The following OCA2 variants were observed in gnomAD, a reference collection of about 807,000 sequenced individuals.
OCA2 encodes OCA2 melanosomal transmembrane protein.
In OCA2, 77 loss-of-function variants were observed where a neutral mutation model predicts 100.2. The observed-to-expected ratio is 0.77, with a 90% confidence interval of 0.64 to 0.93. OCA2 has a LOEUF of 0.93. Ranked by LOEUF, OCA2 falls within the 40% of genes least tolerant of loss-of-function variation. OCA2 has a pLI of 0.00. For synonymous variants in OCA2, 432 were observed against 439.2 expected (o/e 0.98, Z 0.21); for missense variants, 1,062 against 1,089.1 (o/e 0.98, Z 0.35).
At chr15:27,777,075 C>G (rs1008326689) in intron 23 of OCA2, among the ~76,000 whole-genome samples, 7 of 152,184 alleles carry the variant, frequency 4.6e-5, no homozygotes, top group Admixed American at 6.5e-5. Context: ...CGGCGCCCAG[C>G]CTTTCTGCTC....
chr15:27,871,761 T>A, intron 20 of OCA2, 102 bp downstream of exon 20: 1 of 856,388 alleles, frequency 1.2e-6, no homozygotes, highest in Non-Finnish European at 1.9e-6. Context: ...TTTTACATAA[T>A]TAATGGGACC....
rs201569748 is a variant in OCA2 at position 27,755,403 on chromosome 15, C to A, written c.2502G>T (p.Val834=). Residue 834 remains valine (V), a synonymous_variant, in exon 24 of 24, where the codon GTG becomes GTT. Coordinates refer to ENST00000354638, the MANE Select transcript of OCA2 (RefSeq NM_000275.3). ...GMCYLLVAHV[V]VGWN ...TGGATGTCTATTAATTCCATCCCAC[C>A]ACCACATGAGCCACAAGGAGATAAC... The A allele has an allele frequency of 2.4e-5, 38 of 1,613,014 alleles. No individual in the cohort carries two copies. In the African/African-American group the frequency reaches 4.0e-4, roughly 17 times the overall value.
At chr15:28,069,425 TCC>T (rs1204108256) in intron 2 of OCA2, among the ~76,000 whole-genome samples, 3 of 17,176 alleles carry the variant, frequency 1.7e-4, no homozygotes, top group Non-Finnish European at 1.7e-4. Flanking sequence ...CCCCTCCCCC[TCC>T]CCCTCCCCCT....
At chr15:27,987,449 G>A (rs1247020942) in intron 11 of OCA2, among the ~76,000 whole-genome samples, 4 of 152,128 alleles carry the variant, frequency 2.6e-5, no homozygotes, top group African/African-American at 7.2e-5. Flanking sequence ...GCTGGGTGTG[G>A]TGGCTCACGC....
intron 21 of OCA2, among the ~76,000 whole-genome samples, chr15:27,863,867 G>A (rs2036224035): frequency 6.6e-6 from 1 of 152,012 alleles, no homozygotes; most frequent in East Asian, 1.9e-4. Flanking sequence ...TTTGTGCTGT[G>A]CTTAAATCTC....
rs535766179 is a variant in OCA2 at position 27,831,527 on chromosome 15, C to A, written c.2432+13432G>T. Among the ~76,000 whole-genome samples, 5 of 152,278 alleles carry A rather than the reference C, an allele frequency of 3.3e-5. No homozygotes were observed. The South Asian group carries it at 1.0e-3, about 32-fold the overall frequency. ...TGGGAGGCATTCCTGTGCCACACACCGGACGTGGTGCCATGGTGACTGGCC... is the reference window on the plus strand; with the variant it reads ...TGGGAGGCATTCCTGTGCCACACACAGGACGTGGTGCCATGGTGACTGGCC... On this transcript the variant is annotated intron_variant, in intron 23 of 23. Coordinates refer to ENST00000354638, the MANE Select transcript of OCA2 (RefSeq NM_000275.3).
chr15:27,891,253 G>T (rs1342303327), intron 19 of OCA2, among the ~76,000 whole-genome samples: 1 of 152,156 alleles, frequency 6.6e-6, no homozygotes, highest in African/African-American at 2.4e-5. Context: ...AGTCATGTAT[G>T]TATACTGTAG....
the OCA2 span, among the ~76,000 whole-genome samples, chr15:27,745,662 TC>T: frequency 6.6e-6 from 1 of 152,142 alleles, no homozygotes; most frequent in East Asian, 1.9e-4. Flanking sequence ...GTGTAGAGAA[TC>T]CCCCTTCCCT....
At chr15:27,932,268 C>T (rs1329334191) in intron 18 of OCA2, among the ~76,000 whole-genome samples, 1 of 152,146 alleles carries the variant, frequency 6.6e-6, no homozygotes, top group African/African-American at 2.4e-5. Flanking sequence ...GTAGCTGAGG[C>T]ACTGAAGCAA....
intron 23 of OCA2, among the ~76,000 whole-genome samples, chr15:27,837,520 C>T (rs993856429): frequency 6.6e-6 from 1 of 152,090 alleles, no homozygotes; most frequent in African/African-American, 2.4e-5. Flanking sequence ...GGCCCCTGCC[C>T]CACACCCTTG....
chr15:28,075,727 C>T lies in OCA2; in HGVS notation c.227+5921G>A, dbSNP rs2141840976. ...AAAGTGTGATATGTCCACACAACTCCACTCAGCAATAAAAAGAAACACAAC... is the reference window on the plus strand; with the variant it reads ...AAAGTGTGATATGTCCACACAACTCTACTCAGCAATAAAAAGAAACACAAC... On this transcript the variant is annotated intron_variant, in intron 2 of 23. Transcript: ENST00000354638. Among the ~76,000 whole-genome samples the T allele has an allele frequency of 1.3e-5, 2 of 152,310 alleles. 1 individual carries two copies. Among genetic ancestry groups the T allele is most frequent in the African/African-American group, 4.8e-5 (2 of 41,564 alleles).
chr15:28,086,424 G>A (rs1239159769), intron 1 of OCA2, among the ~76,000 whole-genome samples: 1 of 152,212 alleles, frequency 6.6e-6, no homozygotes, highest in East Asian at 1.9e-4. Context: ...CCATCTTGGG[G>A]AACCTGAACT....
intron 23 of OCA2, among the ~76,000 whole-genome samples, chr15:27,806,220 AAGT>A (rs1291876526): frequency 3.9e-5 from 6 of 152,214 alleles, no homozygotes; most frequent in African/African-American, 1.4e-4. Context: ...TTTCCAAAGT[AAGT>A]TGTGTACAAT....
chr15:28,028,216 G>A (rs1324874925), intron 3 of OCA2, among the ~76,000 whole-genome samples, 157 bp from the exon 4 acceptor site: 2 of 152,186 alleles, frequency 1.3e-5, no homozygotes, highest in African/African-American at 2.4e-5. Context: ...GTGGGAATGG[G>A]TTTTTTTGTG....
chr15:28,024,941 C>A, intron 4 of OCA2, 39 bp from the exon 5 acceptor site: 2 of 1,603,294 alleles, frequency 1.2e-6, no homozygotes, highest in Non-Finnish European at 1.7e-6. Context: ...GCAAGGGCAG[C>A]AGTCCTGTTG....
At chr15:27,740,156 T>C in the OCA2 span, among the ~76,000 whole-genome samples, 1 of 152,200 alleles carries the variant, frequency 6.6e-6, no homozygotes, top group Non-Finnish European at 1.5e-5. Context: ...CAGCACAGTG[T>C]GCTGTGCCCA....
At chr15:28,081,956 C>T in intron 1 of OCA2, 61 bp from the exon 2 acceptor site, 2 of 1,349,046 alleles carry the variant, frequency 1.5e-6, no homozygotes, top group Non-Finnish European at 2.1e-6. Context: ...ACGTTTGCAC[C>T]TTGGGAGTCC....
At chr15:27,966,542 G>A in intron 15 of OCA2, 148 bp downstream of exon 15, 1 of 816,838 alleles carries the variant, frequency 1.2e-6, no homozygotes. Flanking sequence ...TGAAAACAGT[G>A]TATACTAGAA....
At chr15:27,853,774 C>A (rs559422521) in intron 21 of OCA2, among the ~76,000 whole-genome samples, 1 of 151,954 alleles carries the variant, frequency 6.6e-6, no homozygotes, top group African/African-American at 2.4e-5. Context: ...CCCGCCATCC[C>A]GGGCAGTTGC....
Sources: allele counts gnomAD v4.1 joint callset (sites outside exome capture counted in the v4.1 genomes callset), GRCh38; gene constraint gnomAD v4.1.1; transcripts MANE v1.5; gene names NCBI Gene and HGNC (gene_info 2026-07-23, HGNC 2026-07-21).